The following PLCH1 variants were observed in gnomAD, a reference collection of about 807,000 sequenced individuals.
PLCH1 encodes phospholipase C eta 1, also known as 1-phosphatidylinositol 4,5-bisphosphate phosphodiesterase eta-1.
Under a neutral mutation model 126.7 loss-of-function variants are expected in PLCH1, and 60 were observed. That is an observed-to-expected ratio of 0.47 (90% CI 0.38 to 0.59). The LOEUF is 0.59. Ranked by LOEUF, PLCH1 falls within the 20% of genes least tolerant of loss-of-function variation. PLCH1 has a pLI of 0.00. For missense variants in PLCH1, 1,723 were observed against 2,040.0 expected (o/e 0.84, Z 2.99); for synonymous variants, 719 against 734.9 (o/e 0.98, Z 0.35).
At chr3:155,716,684 C>T (rs942934490) in intron 1 of PLCH1, among the ~76,000 whole-genome samples, 3 of 152,174 alleles carry the variant, frequency 2.0e-5, no homozygotes, top group Non-Finnish European at 4.4e-5. Context: ...TGTCATCCTT[C>T]CCCATGACCC....
At chr3:155,591,709 C>A (rs1444814162) in intron 4 of PLCH1, among the ~76,000 whole-genome samples, 1 of 152,048 alleles carries the variant, frequency 6.6e-6, no homozygotes, top group African/African-American at 2.4e-5. Flanking sequence ...CCCACATAAA[C>A]AAAAGCTCTT....
intron 12 of PLCH1, 41 bp downstream of exon 12, chr3:155,514,682 T>A: frequency 7.7e-7 from 1 of 1,294,852 alleles, no homozygotes; most frequent in Non-Finnish European, 1.0e-6. Flanking sequence ...AGATGCTTTT[T>A]TTTTCCTGTT....
rs551640913 is a variant in PLCH1, at chr3:155,717,786, C to G, written c.-40-13522G>C. On this transcript the variant is annotated intron_variant, in intron 1 of 22. Transcript: ENST00000460012. ...TAGATATCTGATATGCTTCAAGGCT[C>G]TTCTACCCTTGTCTTGGCAATTAGC... Among the ~76,000 whole-genome samples the G allele has an allele frequency of 1.1e-3, 163 of 152,334 alleles. 2 individuals carry two copies. The South Asian group carries it at 0.032, about 30-fold the overall frequency.
rs1163479532 is a variant in PLCH1, at chr3:155,482,443, A to T, written c.3583T>A (p.Phe1195Ile). Residue 1195 changes from phenylalanine (F) to isoleucine (I), a missense_variant, in exon 23 of 23, where the codon TTT becomes ATT. Around this residue, in one of 2 missense-constraint regions of PLCH1, gnomAD observed 947 missense variants for 977.1 expected, o/e 0.97. Transcript: ENST00000460012. Reference sequence around the variant, plus strand: ...AGAGCCTGATTGTTGGTCTCATCAAACTGGCCAATCAGGGCTGAGATGGAA... The same window carrying T: ...AGAGCCTGATTGTTGGTCTCATCAATCTGGCCAATCAGGGCTGAGATGGAA... Reference protein sequence around the residue: ...GSSISALIGQFDETNNQALTV... With the variant: ...GSSISALIGQIDETNNQALTV... 6.2e-7 allele frequency: 1 copy of T among 1,614,058 alleles called. No homozygotes were observed. Among genetic ancestry groups the T allele is most frequent in the African/African-American group, 1.3e-5 (1 of 74,928 alleles).
At chr3:155,612,920 A>G (rs966476322) in intron 2 of PLCH1, among the ~76,000 whole-genome samples, 2 of 151,456 alleles carry the variant, frequency 1.3e-5, no homozygotes, top group African/African-American at 2.4e-5. Context: ...AAAAAAAAAA[A>G]AAAAAGAAAA....
intron 1 of PLCH1, among the ~76,000 whole-genome samples, chr3:155,720,672 G>T (rs980585381): frequency 4.6e-5 from 7 of 152,124 alleles, no homozygotes; most frequent in African/African-American, 1.4e-4. Context: ...TCGGTGAGTT[G>T]TCTGTTTACC....
intron 21 of PLCH1, among the ~76,000 whole-genome samples, chr3:155,455,172 C>T (rs1038887271): frequency 7.2e-5 from 11 of 152,042 alleles, no homozygotes; most frequent in African/African-American, 2.2e-4. Context: ...GTGAGGCTCT[C>T]AGGGAGGAAT....
At chr3:155,591,571 G>A (rs752717361) in intron 4 of PLCH1, among the ~76,000 whole-genome samples, 20 of 152,090 alleles carry the variant, frequency 1.3e-4, no homozygotes, top group South Asian at 4.1e-4. Context: ...TTTTTCTAAC[G>A]TGTTTTGCTT....
At chr3:155,625,288 C>T (rs558389795) in intron 2 of PLCH1, among the ~76,000 whole-genome samples, 9 of 152,116 alleles carry the variant, frequency 5.9e-5, no homozygotes, top group South Asian at 4.1e-4. Context: ...ACCATAAAAA[C>T]GCTAGAAAAA....
rs377635640 is a variant in PLCH1, at chr3:155,597,219, A to G, written c.80-841T>C. ...CCCAGTGAAAGAGTAGACACACCTGACTTAAGCTTGGAGCAAATCTGACTC... is the reference window on the plus strand; with the variant it reads ...CCCAGTGAAAGAGTAGACACACCTGGCTTAAGCTTGGAGCAAATCTGACTC... On this transcript the variant is annotated intron_variant, in intron 2 of 22. Transcript: ENST00000460012. Among the ~76,000 whole-genome samples, 10 of 152,288 alleles carry G rather than the reference A, an allele frequency of 6.6e-5. No individual in the cohort carries two copies. The South Asian group carries it at 1.0e-3, about 16-fold the overall frequency.
chr3:155,718,640 AG>A (rs996619984), intron 1 of PLCH1, among the ~76,000 whole-genome samples: 2 of 152,110 alleles, frequency 1.3e-5, no homozygotes, highest in African/African-American at 2.4e-5. Flanking sequence ...CAGGAGCAAG[AG>A]GGTGAGTGCG....
At chr3:155,455,321 A>G (rs1045908676) in intron 21 of PLCH1, among the ~76,000 whole-genome samples, 1 of 152,120 alleles carries the variant, frequency 6.6e-6, no homozygotes, top group African/African-American at 2.4e-5. Flanking sequence ...TGCCACACAG[A>G]TGCTGTCTTG....
chr3:155,700,763 A>T (rs1030423548), intron 2 of PLCH1, among the ~76,000 whole-genome samples: 1 of 152,240 alleles, frequency 6.6e-6, no homozygotes, highest in African/African-American at 2.4e-5. Context: ...GGTCAGAAAA[A>T]AAAATACTGC....
At chr3:155,656,550 AT>A (rs1164803846) in intron 2 of PLCH1, among the ~76,000 whole-genome samples, 1 of 152,232 alleles carries the variant, frequency 6.6e-6, no homozygotes, top group Non-Finnish European at 1.5e-5. Flanking sequence ...GAAAAATCAT[AT>A]GATTATCTTC....
At chr3:155,637,150 T>C (rs1738820286) in intron 2 of PLCH1, among the ~76,000 whole-genome samples, 2 of 152,342 alleles carry the variant, frequency 1.3e-5, no homozygotes, top group African/African-American at 4.8e-5. Context: ...CCCAAACTGA[T>C]TGGACCGTAA....
intron 1 of PLCH1, among the ~76,000 whole-genome samples, chr3:155,708,590 A>G (rs1259890199): frequency 6.6e-6 from 1 of 152,224 alleles, no homozygotes; most frequent in Non-Finnish European, 1.5e-5. Context: ...AAAAACAACT[A>G]CTGAAGTATA....
chr3:155,721,882 T>C (rs1747971228), intron 1 of PLCH1, among the ~76,000 whole-genome samples: 1 of 152,054 alleles, frequency 6.6e-6, no homozygotes. Flanking sequence ...ACCTCATCTC[T>C]ACTAAAAATA....
chr3:155,691,395 C>T (rs565490064), intron 2 of PLCH1, among the ~76,000 whole-genome samples: 4 of 152,206 alleles, frequency 2.6e-5, no homozygotes, highest in Admixed American at 6.5e-5. Context: ...GTTATAGCAA[C>T]AACCGTCTCA....
intron 21 of PLCH1, among the ~76,000 whole-genome samples, chr3:155,452,778 C>CCCACCTCAAGTG (rs1303350147): frequency 6.6e-6 from 1 of 152,062 alleles, no homozygotes; most frequent in Non-Finnish European, 1.5e-5. Context: ...GATTCAAATT[C>CCCACCTCAAGTG]CCACCTCAAG....
Sources: allele counts gnomAD v4.1 joint callset (sites outside exome capture counted in the v4.1 genomes callset), GRCh38; gene constraint gnomAD v4.1.1; regional missense constraint gnomAD v4.1.1; transcripts MANE v1.5; gene names NCBI Gene and HGNC (gene_info 2026-07-23, HGNC 2026-07-21).